APP: variants seen among roughly 807,000 people sequenced by gnomAD.
APP encodes amyloid beta precursor protein, also known as amyloid-beta precursor protein.
A neutral mutation model predicts 101.4 loss-of-function variants in APP; 31 were observed. The ratio of observed to expected loss-of-function variants is 0.31; its 90% CI spans 0.23 to 0.41. APP has a LOEUF of 0.41. APP is among the 10% of genes least tolerant of loss of function. The pLI is 1.00. For synonymous variants in APP, 366 were observed against 364.4 expected (o/e 1.00, Z -0.05); for missense variants, 839 against 1,003.7 (o/e 0.84, Z 2.22).
intron 2 of APP, among the ~76,000 whole-genome samples, chr21:26,110,410 C>G (rs1417435642): frequency 6.6e-6 from 1 of 152,010 alleles, no homozygotes; most frequent in Non-Finnish European, 1.5e-5. Context: ...TGCACCACTG[C>G]ACTCCATCCT....
intron 6 of APP, among the ~76,000 whole-genome samples, chr21:26,011,613 G>A (rs936643742): frequency 6.6e-6 from 1 of 152,042 alleles, no homozygotes; most frequent in Non-Finnish European, 1.5e-5. Flanking sequence ...CTAAGGTCCA[G>A]AAACCCTGCC....
intron 2 of APP, among the ~76,000 whole-genome samples, chr21:26,099,383 T>C (rs2146151454): frequency 1.3e-5 from 2 of 152,182 alleles, no homozygotes; most frequent in South Asian, 4.1e-4. Flanking sequence ...TAACTGAGGG[T>C]TTCCTAAGTA....
intron 15 of APP, among the ~76,000 whole-genome samples, chr21:25,899,425 T>TG (rs1253702235): frequency 2.0e-5 from 3 of 152,178 alleles, no homozygotes; most frequent in African/African-American, 7.2e-5. Context: ...ATAGAAGTGA[T>TG]GGTGTATGAC....
At chr21:25,893,616 C>CACAACTGTCTTCAATTCTATGAAGG (rs1280302145) in intron 16 of APP, among the ~76,000 whole-genome samples, 8 of 152,132 alleles carry the variant, frequency 5.3e-5, no homozygotes, top group African/African-American at 1.9e-4. Context: ...GAACAAGGCC[C>CACAACTGTCTTCAATTCTATGAAGG]ACAACTGTCT....
rs542649985 is a variant in APP, at chr21:25,994,758, A to G, written c.1090+2602T>C. ...AACAGGCTTGCTTACCTTCTAGTTC[A>G]GCTCCTTTTCTCTGAATTGAGTCTG... On this transcript the variant is annotated intron_variant, in intron 8 of 17. Transcript: ENST00000346798. Among the ~76,000 whole-genome samples the G allele has an allele frequency of 5.3e-5, 8 of 152,340 alleles. No individual in the cohort carries two copies. The South Asian group carries it at 1.4e-3, about 28-fold the overall frequency.
At chr21:26,084,142 G>A (rs1219767845) in intron 3 of APP, among the ~76,000 whole-genome samples, 1 of 150,982 alleles carries the variant, frequency 6.6e-6, no homozygotes, top group Non-Finnish European at 1.5e-5. Flanking sequence ...AGGAGCCAAT[G>A]CAATTGAGGC....
intron 1 of APP, among the ~76,000 whole-genome samples, chr21:26,121,488 AGC>A (rs2062569846): frequency 6.6e-6 from 1 of 152,006 alleles, no homozygotes; most frequent in African/African-American, 2.4e-5. Context: ...CCCTGGTTCA[AGC>A]GATTCTCCTG....
chr21:26,032,094 C>G (rs2044856020), intron 5 of APP, among the ~76,000 whole-genome samples: 1 of 152,140 alleles, frequency 6.6e-6, no homozygotes, highest in South Asian at 2.1e-4. Context: ...TTGGGTTAGC[C>G]ACAACATTTA....
chr21:26,025,179 CCTTAACAGTTG>C (rs1202415565), intron 5 of APP, among the ~76,000 whole-genome samples: 1 of 152,124 alleles, frequency 6.6e-6, no homozygotes, highest in Non-Finnish European at 1.5e-5. Context: ...TCAAAAGAAT[CCTTAACAGTTG>C]CTCAGCTGCC....
intron 11 of APP, among the ~76,000 whole-genome samples, chr21:25,959,652 T>C (rs566537993): frequency 2.8e-4 from 42 of 152,354 alleles, no homozygotes; most frequent in African/African-American, 1.0e-3. Flanking sequence ...AGTTCCATTA[T>C]TCCTTAGCTA....
rs569092401 is a variant in APP, at chr21:25,911,212, C to T, written c.1909+529G>A. On this transcript the variant is annotated intron_variant, in intron 14 of 17. Coordinates refer to ENST00000346798, the MANE Select transcript of APP (RefSeq NM_000484.4). ...ATACAGTACATGCTCTTTATGTATC[C>T]ACTTTTGTTATATAATGTACCATTT... Among the ~76,000 whole-genome samples the T allele has an allele frequency of 6.6e-5, 10 of 152,214 alleles. No homozygotes were observed. The South Asian group carries it at 2.1e-3, about 32-fold the overall frequency.
At chr21:26,125,575 G>T (rs940733884) in intron 1 of APP, among the ~76,000 whole-genome samples, 2 of 152,040 alleles carry the variant, frequency 1.3e-5, no homozygotes, top group Admixed American at 1.3e-4. Flanking sequence ...GAGCACATTC[G>T]GTGCGGTGTT....
intron 1 of APP, among the ~76,000 whole-genome samples, chr21:26,158,583 A>AACC (rs1373282105): frequency 1.3e-5 from 2 of 152,198 alleles, no homozygotes; most frequent in African/African-American, 4.8e-5. Context: ...AACCTAACTG[A>AACC]ACCATGAATA....
chr21:25,886,567 G>C (rs531134241), intron 17 of APP, among the ~76,000 whole-genome samples: 8 of 151,710 alleles, frequency 5.3e-5, no homozygotes, highest in African/African-American at 1.9e-4. Flanking sequence ...CTAATTTTTT[G>C]TATTTTTATT....
intron 17 of APP, among the ~76,000 whole-genome samples, chr21:25,891,228 T>TTTTTTTTTTTGTTTGTTTTTTTTGAG (rs2037675895): frequency 6.6e-6 from 1 of 152,182 alleles, no homozygotes; most frequent in African/African-American, 2.4e-5. Flanking sequence ...TGAGAAACTT[T>TTTTTTTTTTTGTTTGTTTTTTTTGAG]AAAGGTAAGA....
At chr21:25,951,686 G>GA (rs1022800721) in intron 13 of APP, among the ~76,000 whole-genome samples, 10 of 151,604 alleles carry the variant, frequency 6.6e-5, no homozygotes, top group Non-Finnish European at 1.0e-4. Context: ...ACATAACCTG[G>GA]AAAAAAAATC....
At chr21:26,042,297 T>G (rs1312230137) in intron 5 of APP, among the ~76,000 whole-genome samples, 1 of 152,210 alleles carries the variant, frequency 6.6e-6, no homozygotes, top group African/African-American at 2.4e-5. Flanking sequence ...AAGTACTGAA[T>G]AGACATAAAT....
chr21:26,000,663 T>C lies in APP; in HGVS notation c.866-481A>G, dbSNP rs141892614. Among the ~76,000 whole-genome samples, 469 of 152,334 alleles carry C rather than the reference T, an allele frequency of 3.1e-3. 2 individuals carry two copies. Among genetic ancestry groups the C allele is most frequent in the African/African-American group, 0.011 (445 of 41,580 alleles). ...AAATATAAAATTAATTGCATATATT[T>C]TGAATGTTTTCCAGTGTTGGAAGCT... is the stretch of plus-strand genomic sequence containing the variant. On this transcript the variant is annotated intron_variant, in intron 6 of 17. Coordinates refer to ENST00000346798, the MANE Select transcript of APP (RefSeq NM_000484.4).
At chr21:25,995,016 G>T (rs1350119374) in intron 8 of APP, among the ~76,000 whole-genome samples, 1 of 152,190 alleles carries the variant, frequency 6.6e-6, no homozygotes, top group Non-Finnish European at 1.5e-5. Context: ...AGAATGGAAA[G>T]GTGTCAGGAT....
Sources: gnomAD v4.1 joint callset for allele counts (sites outside exome capture counted in the v4.1 genomes callset) on GRCh38, gnomAD v4.1.1 for gene constraint, MANE v1.5 for transcripts, NCBI Gene and HGNC (gene_info 2026-07-23, HGNC 2026-07-21) for gene names.